The following OTOG variants were observed in gnomAD, a reference collection of about 807,000 sequenced individuals.
The protein encoded by OTOG is otogelin.
Under a neutral mutation model 313.8 loss-of-function variants are expected in OTOG, and 296 were observed. The observed-to-expected ratio is 0.94, with a 90% CI of 0.86 to 1.04. The LOEUF is 1.04. OTOG is among the 50% of genes least tolerant of loss of function. OTOG has a pLI of 0.00. For missense variants in OTOG, 3,948 were observed against 3,840.1 expected (o/e 1.03, Z -0.74); for synonymous variants, 1,533 against 1,554.9 (o/e 0.99, Z 0.33).
chr11:17,637,396 G>A (rs1018092385), intron 47 of OTOG, among the ~76,000 whole-genome samples: 1 of 152,032 alleles, frequency 6.6e-6, no homozygotes, highest in Non-Finnish European at 1.5e-5. Flanking sequence ...CCTAGCACAG[G>A]TCCCTTTTCC....
chr11:17,572,004 T>TA (rs1205317763), intron 17 of OTOG, 76 bp from the exon 18 acceptor site: 14 of 1,533,226 alleles, frequency 9.1e-6, no homozygotes, highest in Non-Finnish European at 1.2e-5. Flanking sequence ...AAGTAGGTGT[T>TA]ACCTGGATCT....
At chr11:17,593,486 A>G in intron 26 of OTOG, 124 bp from the exon 27 acceptor site, 3 of 1,440,058 alleles carry the variant, frequency 2.1e-6, no homozygotes, top group East Asian at 2.5e-5. Flanking sequence ...AGGGTCAGGA[A>G]CACAGAGGCC....
intron 39 of OTOG, among the ~76,000 whole-genome samples, chr11:17,620,696 A>G (rs1853842887): frequency 6.6e-6 from 1 of 151,974 alleles, no homozygotes. Flanking sequence ...TTTGGTTATG[A>G]TAGGCCTGGT....
At chr11:17,587,374 C>T (rs899551833) in intron 24 of OTOG, among the ~76,000 whole-genome samples, 1 of 152,120 alleles carries the variant, frequency 6.6e-6, no homozygotes, top group Admixed American at 6.5e-5. Flanking sequence ...GGGTGAGGAA[C>T]GATGAATGTG....
At chr11:17,635,535 A>G in intron 46 of OTOG, 75 bp from the exon 47 acceptor site, 1 of 1,217,358 alleles carries the variant, frequency 8.2e-7, no homozygotes, top group Non-Finnish European at 1.2e-6. Flanking sequence ...AGGAGGCCCC[A>G]CCCCCAGCAA....
intron 15 of OTOG, among the ~76,000 whole-genome samples, chr11:17,563,453 TCTC>T (rs1205721401): frequency 6.6e-6 from 1 of 152,148 alleles, no homozygotes; most frequent in East Asian, 1.9e-4. Flanking sequence ...TGGTCTTTCT[TCTC>T]CTTTTGGCCT....
chr11:17,557,258 G>T lies in OTOG; in HGVS notation c.800G>T (p.Gly267Val), dbSNP rs1165670508. ...ATCAAGATGAGTCCAGAGCTTCTGG[G>T]CTGGACCCATGGGCTGTGTGGGAAC... The part of the protein sequence containing the change: ...VYIKMSPELL[G>V]WTHGLCGNNN... The change falls in exon 8 of 56, where the codon GGC becomes GTC. Residue 267 changes from glycine (G) to valine (V), a missense_variant. Transcript: ENST00000399397. 2 of 1,550,506 alleles carry T rather than the reference G, an allele frequency of 1.3e-6. No homozygotes were observed. Among genetic ancestry groups the T allele is most frequent in the South Asian group, 1.2e-5 (1 of 84,058 alleles).
rs777604548 is a variant in OTOG at position 17,576,889 on chromosome 11, G to A, written c.2583G>A (p.Met861Ile). 7.1e-5 allele frequency: 110 copies of A among 1,550,374 alleles called. No homozygotes were observed. Among genetic ancestry groups the A allele is most frequent in the Non-Finnish European group, 8.4e-5 (96 of 1,146,976 alleles). ...LGHCHCKDGV[M>I]SCDSRAPAAA... ...GCAGCCACTGCAAAGATGGAGTCAT[G>A]AGCTGTGATAGCAGAGCCCCAGGTA... Residue 861 changes from methionine to isoleucine, a missense_variant, in exon 22 of 56, where the codon ATG becomes ATA. By Grantham distance (10) the Met-to-Ile change is conservative (BLOSUM62 1). Transcript: ENST00000399397.
chr11:17,612,454 T>C, intron 37 of OTOG, 124 bp downstream of exon 37: 1 of 1,401,550 alleles, frequency 7.1e-7, no homozygotes, highest in Non-Finnish European at 9.5e-7. Context: ...GCAGATTTCC[T>C]ACGCTTGTGA....
intron 54 of OTOG, among the ~76,000 whole-genome samples, chr11:17,644,055 C>T (rs1260851286): frequency 6.6e-6 from 1 of 152,238 alleles, no homozygotes; most frequent in African/African-American, 2.4e-5. Flanking sequence ...TGCTAGATGG[C>T]CTGATCTCTG....
Position 17,602,138 on chromosome 11 carries a change from G to A in OTOG, c.3710-72G>A, listed in dbSNP as rs543954345. 3.2e-5 allele frequency: 48 copies of A among 1,505,772 alleles called. No individual in the cohort carries two copies. In the Admixed American group the frequency reaches 9.5e-4, roughly 30 times the overall value. The allele number at this position is 1,505,772 out of a possible 1,614,324, so 93.3% of individuals were successfully genotyped here. On this transcript the variant is annotated intron_variant, in intron 31 of 55. Coordinates refer to ENST00000399397, the MANE Select transcript of OTOG (RefSeq NM_001292063.2). Reference sequence around the variant, plus strand: ...TGCCCTCCCACCCCACTGCTGCCAAGGGGTGGGGCAGGAGGTATGGGAGGT... The same window carrying A: ...TGCCCTCCCACCCCACTGCTGCCAAAGGGTGGGGCAGGAGGTATGGGAGGT...
chr11:17,592,175 C>T (rs1054464702), intron 25 of OTOG, among the ~76,000 whole-genome samples: 3 of 152,146 alleles, frequency 2.0e-5, no homozygotes, highest in African/African-American at 4.8e-5. Flanking sequence ...AGGATCCCTA[C>T]CCCAGGAGGA....
At chr11:17,579,489 A>G (rs367768617) in intron 23 of OTOG, among the ~76,000 whole-genome samples, 11 of 152,118 alleles carry the variant, frequency 7.2e-5, no homozygotes, top group Admixed American at 5.9e-4. Context: ...CTCAAACCCA[A>G]GTCTCCTTAC....
At chr11:17,621,417 G>T (rs1853861307) in intron 39 of OTOG, among the ~76,000 whole-genome samples, 1 of 152,072 alleles carries the variant, frequency 6.6e-6, no homozygotes, top group Non-Finnish European at 1.5e-5. Flanking sequence ...ATATTAGGAG[G>T]TTTTTCTACT....
chr11:17,561,890 G>A (rs2134011585), intron 15 of OTOG, 83 bp downstream of exon 15: 2 of 1,500,260 alleles, frequency 1.3e-6, no homozygotes, highest in Non-Finnish European at 9.0e-7. Flanking sequence ...TTAGGACAGG[G>A]CTCAGGTCTT....
chr11:17,601,593 A>G (rs547895557), intron 31 of OTOG, among the ~76,000 whole-genome samples: 9 of 101,190 alleles, frequency 8.9e-5, no homozygotes, highest in Admixed American at 3.0e-4. Flanking sequence ...GCGTCCCACC[A>G]GGGGGCGTGG....
chr11:17,555,921 G>A (rs1231446685), intron 7 of OTOG, 24 bp downstream of exon 7: 23 of 1,514,508 alleles, frequency 1.5e-5, no homozygotes, highest in East Asian at 4.9e-5. Flanking sequence ...CTTCCACATC[G>A]AGCTGTCCTA....
Position 17,641,070 on chromosome 11 carries a change from C to T in OTOG, c.8169C>T (p.Leu2723=), listed in dbSNP as rs1314487283. ...ACCAGATCAACACCACCTCCGTGCTCTGTGACATCCACTGTGAGGCGGTAG... is the reference window on the plus strand; with the variant it reads ...ACCAGATCAACACCACCTCCGTGCTTTGTGACATCCACTGTGAGGCGGTAG... ...NFYQINTTSV[L]CDIHCEANQE... The change falls in exon 51 of 56, where the codon CTC becomes CTT. Residue 2723 remains leucine (L), a synonymous_variant. Coordinates refer to ENST00000399397, the MANE Select transcript of OTOG (RefSeq NM_001292063.2). The T allele has an allele frequency of 4.7e-6, 6 of 1,274,134 alleles. No homozygotes were observed. In the East Asian group the frequency reaches 3.6e-4, roughly 77 times the overall value. The allele number at this position is 1,274,134 out of a possible 1,614,324, so 78.9% of individuals were successfully genotyped here. A position where few individuals can be genotyped will look rare whatever the true frequency, so the allele number is the denominator to read the frequency against.
At position 17,555,769 on chromosome 11, in the gene OTOG, C is replaced by A. The variant is rs1305634542; in HGVS notation, c.541-10C>A. ...GAGCCTGCAAACCAGCCTCTGAACT[C>A]CCTACTCAGGTACACAATGACCCGC... On this transcript the variant is annotated splice_polypyrimidine_tract_variant and intron_variant, in intron 6 of 55. Coordinates refer to ENST00000399397, the MANE Select transcript of OTOG (RefSeq NM_001292063.2). 4.5e-6 allele frequency: 7 copies of A among 1,548,952 alleles called. No individual in the cohort carries two copies. Among genetic ancestry groups the A allele is most frequent in the Middle Eastern group, 1.9e-4 (1 of 5,386 alleles).
Sources: allele counts gnomAD v4.1 joint callset (sites outside exome capture counted in the v4.1 genomes callset), GRCh38; gene constraint gnomAD v4.1.1; transcripts MANE v1.5; gene names NCBI Gene and HGNC (gene_info 2026-07-23, HGNC 2026-07-21).